Variants in RAVER2 observed in about 807,000 individuals in gnomAD.
The protein encoded by RAVER2 is ribonucleoprotein PTB-binding 2.
RAVER2 carries 46 observed loss-of-function variants against 78.1 expected under a neutral mutation model. The observed-to-expected ratio is 0.59, with a 90% CI of 0.46 to 0.75. The LOEUF (loss-of-function observed/expected upper bound fraction) is 0.75. Among genes scored for constraint, RAVER2 ranks in the 30% least tolerant of loss-of-function variants. RAVER2 has a pLI of 0.00. For missense variants in RAVER2, 793 were observed against 837.5 expected (o/e 0.95, Z 0.66); for synonymous variants, 311 against 313.3 (o/e 0.99, Z 0.08).
chr1:64,807,649 A>G (rs1653482816), intron 9 of RAVER2, among the ~76,000 whole-genome samples, 175 bp downstream of exon 9: 2 of 46,024 alleles, frequency 4.3e-5, no homozygotes, highest in Non-Finnish European at 6.6e-5. Context: ...GTTATAAATA[A>G]AGCAAACAAA....
Position 64,789,483 on chromosome 1 carries a change from GC to G in RAVER2, c.1078del (p.Gln360SerfsTer21). 1.9e-6 allele frequency: 3 copies of G among 1,608,242 alleles called. No individual in the cohort carries two copies. Among genetic ancestry groups the G allele is most frequent in the Non-Finnish European group, 2.5e-6 (3 of 1,176,808 alleles). On this transcript the variant is annotated frameshift_variant, in exon 5 of 12. Coordinates refer to ENST00000294428, the Ensembl canonical transcript of RAVER2. LOFTEE classifies it high-confidence loss of function. The stretch of plus-strand genomic sequence containing the variant: ...CTGCCATGTTGCAAGTTCTTCTACA[GC>G]CCCAGTTATGTGGACGAGCTGTTAA...
exon 3 of RAVER2, chr1:64,778,031 A>G: frequency 6.2e-7 from 1 of 1,614,078 alleles, no homozygotes; most frequent in Non-Finnish European, 8.5e-7. Flanking sequence ...CCCAGTGACT[A>G]CAGGGATTCA....
chr1:64,832,042 TAAAG>T (rs1570591584), exon 12 of RAVER2: 2 of 152,578 alleles, frequency 1.3e-5, no homozygotes, highest in African/African-American at 4.8e-5. Flanking sequence ...TCAATTCACC[TAAAG>T]ACAGACCTTT....
chr1:64,778,138 T>TA (rs1212443212), intron 3 of RAVER2, 46 bp downstream of exon 3: 5 of 1,343,212 alleles, frequency 3.7e-6, no homozygotes, highest in Non-Finnish European at 5.1e-6. Context: ...AATATATACA[T>TA]ATGTATCTAA....
At chr1:64,807,153 T>C (rs1206870840) in intron 8 of RAVER2, 53 bp from the exon 9 acceptor site, 10 of 1,559,668 alleles carry the variant, frequency 6.4e-6, no homozygotes, top group Non-Finnish European at 7.0e-6. Flanking sequence ...AAAGGACTAT[T>C]GTGAATAAAT....
chr1:64,757,844 A>G (rs1355290639), intron 1 of RAVER2, among the ~76,000 whole-genome samples: 1 of 152,188 alleles, frequency 6.6e-6, no homozygotes, highest in African/African-American at 2.4e-5. Flanking sequence ...TTAAATTTTA[A>G]TCATTCCAGT....
Position 64,804,782 on chromosome 1 carries a change from CAT to C in RAVER2, c.1244_1245del (p.Ile415ThrfsTer11). ...TAATTTATTCCTTCAGAATCTTTCT[CAT>C]ATACCACTGGCACAACAACAATTAA... On this transcript the variant is annotated frameshift_variant, in exon 7 of 12. Transcript: ENST00000294428. LOFTEE classifies it high-confidence loss of function. 1 of 1,549,756 alleles carries C rather than the reference CAT, an allele frequency of 6.5e-7. No homozygotes were observed. The highest frequency in any genetic ancestry group is 8.9e-7 in the Non-Finnish European group (1 of 1,122,064).
chr1:64,807,568 AT>A, intron 9 of RAVER2, 94 bp downstream of exon 9: 1 of 1,248,382 alleles, frequency 8.0e-7, no homozygotes, highest in Non-Finnish European at 1.1e-6. Flanking sequence ...TGTCAATGAA[AT>A]GATGACTTTT....
chr1:64,817,660 A>G (rs1184131671), intron 11 of RAVER2, among the ~76,000 whole-genome samples: 4 of 150,984 alleles, frequency 2.6e-5, no homozygotes, highest in African/African-American at 9.7e-5. Context: ...AGGACAGAAA[A>G]CCAAACACCA....
chr1:64,802,952 G>A (rs1653309237), intron 5 of RAVER2, 24 bp from the exon 6 acceptor site: 12 of 1,539,488 alleles, frequency 7.8e-6, no homozygotes, highest in Non-Finnish European at 1.1e-5. Flanking sequence ...ATAAATTAAA[G>A]TTTTTACTTT....
At position 64,824,932 on chromosome 1, in the gene RAVER2, C is replaced by CAAAAAAAAAAAAAAAAAAAAAAA. The variant is rs56179197; in HGVS notation, c.1930-5902_1930-5880dup. On this transcript the variant is annotated intron_variant, in intron 11 of 11. Transcript: ENST00000294428. The stretch of plus-strand genomic sequence containing the variant: ...GGCAACAGAGCGAGACCCTGTCTCC[C>CAAAAAAAAAAAAAAAAAAAAAAA]AAAAAAAAAAAAAAAAAAAAAAAAA... 6.7e-4 allele frequency among the ~76,000 whole-genome samples: 53 copies of CAAAAAAAAAAAAAAAAAAAAAAA among 79,388 alleles called. 2 individuals carry two copies. The highest frequency in any genetic ancestry group is 2.8e-3 in the African/African-American group (36 of 12,880). The allele number at this position is 79,388 out of a possible 152,430, so 52.1% of individuals were successfully genotyped here.
At chr1:64,790,160 C>T (rs1025605155) in intron 5 of RAVER2, among the ~76,000 whole-genome samples, 2 of 152,144 alleles carry the variant, frequency 1.3e-5, no homozygotes, top group African/African-American at 4.8e-5. Flanking sequence ...AGTGGTCTCC[C>T]CTTATCTATG....
intron 4 of RAVER2, 84 bp from the exon 5 acceptor site, chr1:64,789,304 T>C: frequency 2.6e-6 from 3 of 1,171,842 alleles, no homozygotes; most frequent in Non-Finnish European, 3.4e-6. Context: ...GTCAGATGAA[T>C]GAGGATTTCT....
chr1:64,765,546 A>G (rs966303608), intron 1 of RAVER2, among the ~76,000 whole-genome samples: 3 of 152,206 alleles, frequency 2.0e-5, no homozygotes, highest in Middle Eastern at 3.2e-3. Context: ...AAACTCACAA[A>G]TGAGTAATAC....
At chr1:64,774,090 G>A (rs528957903) in intron 2 of RAVER2, among the ~76,000 whole-genome samples, 1 of 152,276 alleles carries the variant, frequency 6.6e-6, no homozygotes, top group African/African-American at 2.4e-5. Flanking sequence ...CCCTTTGTCA[G>A]ATGGATAGAT....
intron 4 of RAVER2, among the ~76,000 whole-genome samples, chr1:64,784,849 C>T (rs573400256): frequency 4.7e-4 from 72 of 152,274 alleles, no homozygotes; most frequent in African/African-American, 1.6e-3. Context: ...TCAATTTCAC[C>T]TCCTAAGATC....
At chr1:64,815,682 C>G (rs1365206132) in intron 11 of RAVER2, 1 of 152,138 alleles carries the variant, frequency 6.6e-6, no homozygotes, top group Non-Finnish European at 1.5e-5. Context: ...TTTGCCTGAC[C>G]CATCCCTAAT....
chr1:64,781,786 T>C (rs905810301), intron 4 of RAVER2, among the ~76,000 whole-genome samples: 3 of 152,228 alleles, frequency 2.0e-5, no homozygotes, highest in African/African-American at 7.2e-5. Context: ...GAAATTGTGT[T>C]TAGTAAAGTG....
At chr1:64,794,410 A>C (rs1029673180) in intron 5 of RAVER2, among the ~76,000 whole-genome samples, 4 of 151,088 alleles carry the variant, frequency 2.6e-5, no homozygotes, top group South Asian at 4.2e-4. Context: ...AAAAAAAAAA[A>C]AAAAAAACTG....
Sources: gnomAD v4.1 joint callset for allele counts (sites outside exome capture counted in the v4.1 genomes callset) on GRCh38, gnomAD v4.1.1 for gene constraint, MANE v1.5 for transcripts, NCBI Gene and HGNC (gene_info 2026-07-23, HGNC 2026-07-21) for gene names.